ACKR4: variants seen among roughly 807,000 people sequenced by gnomAD.
ACKR4 encodes the protein atypical chemokine receptor 4.
In ACKR4, 2 loss-of-function variants were observed where a neutral mutation model predicts 8.5. The ratio of observed to expected loss-of-function variants is 0.23; its 90% CI spans 0.10 to 0.74. ACKR4 has a LOEUF of 0.74. Ranked by LOEUF, ACKR4 falls within the 30% of genes least tolerant of loss-of-function variation. The pLI is 0.75. For missense variants in ACKR4, 167 were observed against 422.1 expected, an observed-to-expected ratio of 0.40 and a Z score of 5.30; for synonymous variants, 67 against 145.0, an observed-to-expected ratio of 0.46 and a Z score of 3.86.
chr3:132,600,332 GT>G, intron 1 of ACKR4, 56 bp from the exon 2 acceptor site: 1 of 1,398,870 alleles, frequency 7.1e-7, no homozygotes, highest in Non-Finnish European at 9.6e-7. Flanking sequence ...GATAAAAACT[GT>G]TTCCTTTTAA....
Position 132,597,295 on chromosome 3 carries a change from A to C in ACKR4, c.-38A>C, listed in dbSNP as rs377247014. ...CATTTGATTTTATACTCTGTACTCA[A>C]GACTGCTCCTCTCTGCCGACTACAA... On this transcript the variant is annotated 5_prime_UTR_variant, in exon 1 of 2. Transcript: ENST00000249887. 7.4e-4 allele frequency: 113 copies of C among 152,312 alleles called. 1 individual carries two copies. Among genetic ancestry groups the C allele is most frequent in the African/African-American group, 2.6e-3 (108 of 41,578 alleles). 9.4% of individuals were successfully genotyped at this position (152,312 alleles called of 1,614,324 possible).
intron 1 of ACKR4, among the ~76,000 whole-genome samples, chr3:132,599,421 C>T (rs547671722): frequency 7.9e-5 from 12 of 151,836 alleles, no homozygotes; most frequent in African/African-American, 2.4e-4. Flanking sequence ...GCAGGAGAAT[C>T]GCATGAACCC....
chr3:132,598,670 G>A (rs749443346), intron 1 of ACKR4, among the ~76,000 whole-genome samples: 1 of 152,204 alleles, frequency 6.6e-6, no homozygotes, highest in Non-Finnish European at 1.5e-5. Flanking sequence ...GCAGGAAATT[G>A]TATGGTAGAT....
intron 1 of ACKR4, among the ~76,000 whole-genome samples, chr3:132,599,878 TTTAAA>T (rs1489833365): frequency 3.7e-4 from 56 of 152,274 alleles, no homozygotes; most frequent in African/African-American, 9.9e-4. Flanking sequence ...ATTTAACTTA[TTTAAA>T]TTAAATTTAT....
chr3:132,598,987 T>C (rs1290656314), intron 1 of ACKR4, among the ~76,000 whole-genome samples: 1 of 152,074 alleles, frequency 6.6e-6, no homozygotes, highest in Non-Finnish European at 1.5e-5. Context: ...AAGGAGGTAT[T>C]GAGGAGGAGT....
At chr3:132,597,397 T>A (rs1319718725) in intron 1 of ACKR4, 74 bp downstream of exon 1, 1 of 151,392 alleles carries the variant, frequency 6.6e-6, no homozygotes, top group Non-Finnish European at 1.5e-5. Context: ...TATTTACTTA[T>A]ATAGATGGAG....
At chr3:132,599,916 AAATTT>A (rs1478479894) in intron 1 of ACKR4, among the ~76,000 whole-genome samples, 10 of 152,190 alleles carry the variant, frequency 6.6e-5, no homozygotes, top group African/African-American at 1.7e-4. Context: ...AATAAAAAAT[AAATTT>A]AATTTAAATA....
chr3:132,598,640 A>T (rs950887837), intron 1 of ACKR4, among the ~76,000 whole-genome samples: 2 of 152,190 alleles, frequency 1.3e-5, no homozygotes, highest in Non-Finnish European at 2.9e-5. Context: ...TTGAGTAGGA[A>T]TTGGCCCTTC....
chr3:132,597,997 G>A (rs7626429), intron 1 of ACKR4, among the ~76,000 whole-genome samples: 27 of 152,006 alleles, frequency 1.8e-4, no homozygotes, highest in African/African-American at 6.5e-4. Flanking sequence ...TCTTCTATGT[G>A]GTGTCTTTCT....
chr3:132,600,596 G>A lies in ACKR4; in HGVS notation c.199G>A (p.Ala67Thr). ...AGNSMVVAIY[A>T]YYKKQRTKTD... Reference sequence around the variant, plus strand: ...CAATTCCATGGTAGTGGCAATTTATGCCTATTACAAGAAACAGAGAACCAA... The same window carrying A: ...CAATTCCATGGTAGTGGCAATTTATACCTATTACAAGAAACAGAGAACCAA... The change falls in exon 2 of 2, where the codon GCC becomes ACC. Residue 67 changes from alanine to threonine, a missense_variant. Around this residue, in one of 2 missense-constraint regions of ACKR4, gnomAD observed 149 missense variants for 281.9 expected, o/e 0.53. Transcript: ENST00000249887. The A allele has an allele frequency of 6.2e-7, 1 of 1,613,864 alleles. No individual in the cohort carries two copies. The highest frequency in any genetic ancestry group is 8.5e-7 in the Non-Finnish European group (1 of 1,179,816).
intron 1 of ACKR4, among the ~76,000 whole-genome samples, chr3:132,597,545 C>T (rs1379038503): frequency 6.6e-6 from 1 of 151,234 alleles, no homozygotes; most frequent in Non-Finnish European, 1.5e-5. Flanking sequence ...CATTACTTGT[C>T]GGTAAAACTT....
intron 1 of ACKR4, among the ~76,000 whole-genome samples, chr3:132,599,455 C>T (rs1325771955): frequency 2.0e-5 from 3 of 151,446 alleles, no homozygotes; most frequent in African/African-American, 4.8e-5. Context: ...TGCAGTGAGC[C>T]GAGATTGTCC....
intron 1 of ACKR4, among the ~76,000 whole-genome samples, chr3:132,599,534 AAAAG>A (rs1157255208): frequency 1.3e-5 from 2 of 152,132 alleles, no homozygotes; most frequent in African/African-American, 2.4e-5. Context: ...TAAATATTAA[AAAAG>A]AAAGATATTG....
intron 1 of ACKR4, among the ~76,000 whole-genome samples, chr3:132,597,977 T>C (rs1405736893): frequency 6.6e-6 from 1 of 152,284 alleles, no homozygotes; most frequent in East Asian, 1.9e-4. Flanking sequence ...TTTTACATAA[T>C]GAAAGCAATT....
intron 1 of ACKR4, among the ~76,000 whole-genome samples, chr3:132,599,814 T>C (rs952394850): frequency 6.6e-6 from 1 of 152,100 alleles, no homozygotes; most frequent in African/African-American, 2.4e-5. Flanking sequence ...CTAAAGGAGA[T>C]CTTGTTTTAT....
intron 1 of ACKR4, among the ~76,000 whole-genome samples, chr3:132,598,918 G>C (rs2107817627): frequency 6.6e-6 from 1 of 152,274 alleles, no homozygotes; most frequent in East Asian, 1.9e-4. Context: ...ACAGAGGAGA[G>C]GTAGATTGGC....
intron 1 of ACKR4, among the ~76,000 whole-genome samples, chr3:132,597,800 TATC>T (rs1172325696): frequency 1.3e-5 from 2 of 152,136 alleles, no homozygotes; most frequent in Non-Finnish European, 1.5e-5. Context: ...TATTATTTCT[TATC>T]ATCAGGTTCA....
At chr3:132,599,323 T>A (rs185825289) in intron 1 of ACKR4, among the ~76,000 whole-genome samples, 1 of 151,862 alleles carries the variant, frequency 6.6e-6, no homozygotes, top group Admixed American at 6.6e-5. Flanking sequence ...CTGGCCAACA[T>A]AGTGAAACCC....
In ACKR4 at chr3:132,601,834, A is replaced by T; in HGVS notation, c.*384A>T. 3.1e-6 allele frequency: 1 copy of T among 325,346 alleles called. No individual in the cohort carries two copies. The highest frequency in any genetic ancestry group is 6.2e-6 in the Non-Finnish European group (1 of 160,790). The allele number at this position is 325,346 out of a possible 1,614,324, so 20.2% of individuals were successfully genotyped here. A position where few individuals can be genotyped will look rare whatever the true frequency, so the allele number is the denominator to read the frequency against. On this transcript the variant is annotated 3_prime_UTR_variant, in exon 2 of 2. Transcript: ENST00000249887. ...TACCAATTTCAATTTCCTGGTTTTG[A>T]CATTATAGTATAATTATGTAAGATG...
Sources: gnomAD v4.1 joint callset for allele counts (sites outside exome capture counted in the v4.1 genomes callset) on GRCh38, gnomAD v4.1.1 for gene constraint, gnomAD v4.1.1 regional missense constraint, MANE v1.5 for transcripts, NCBI Gene and HGNC (gene_info 2026-07-23, HGNC 2026-07-21) for gene names.